Variants in GLIS3 observed in about 807,000 individuals in gnomAD.
GLIS3 encodes the protein zinc finger protein GLIS3.
Under a neutral mutation model 78.6 loss-of-function variants are expected in GLIS3, and 53 were observed. The ratio of observed to expected loss-of-function variants is 0.67; its 90% CI spans 0.54 to 0.85. The LOEUF is 0.85. Ranked by LOEUF, GLIS3 falls within the 40% of genes least tolerant of loss-of-function variation. GLIS3 has a pLI of 0.00. For synonymous variants in GLIS3, 684 were observed against 509.9 expected, an observed-to-expected ratio of 1.34 and a Z score of -4.60; for missense variants, 1,703 against 1,231.1, an observed-to-expected ratio of 1.38 and a Z score of -5.74.
the GLIS3 span, among the ~76,000 whole-genome samples, chr9:4,359,334 G>C: frequency 6.6e-6 from 1 of 152,082 alleles, no homozygotes; most frequent in African/African-American, 2.4e-5. Context: ...CCTTTACCTA[G>C]TGGATTCACC....
chr9:3,991,376 G>A (rs879061998), intron 4 of GLIS3, among the ~76,000 whole-genome samples: 1 of 152,030 alleles, frequency 6.6e-6, no homozygotes, highest in Admixed American at 6.6e-5. Flanking sequence ...CTGGGTACAA[G>A]TCTGAAGAGA....
chr9:4,117,451 T>C (rs928778627), intron 4 of GLIS3, among the ~76,000 whole-genome samples: 4 of 152,220 alleles, frequency 2.6e-5, no homozygotes, highest in South Asian at 2.1e-4. Context: ...GTCCTTCTGC[T>C]CTTGCACATC....
intron 1 of GLIS3, among the ~76,000 whole-genome samples, chr9:4,291,037 A>G (rs993706499): frequency 3.3e-5 from 5 of 152,170 alleles, no homozygotes; most frequent in African/African-American, 1.2e-4. Flanking sequence ...ACACAGAAAC[A>G]GAACTGAGAT....
At chr9:3,878,800 A>G (rs1183976252) in intron 8 of GLIS3, 1 of 157,406 alleles carries the variant, frequency 6.4e-6, no homozygotes, top group Non-Finnish European at 1.4e-5. Context: ...CCTGCTCCAC[A>G]AAAAGGGGAA....
intron 4 of GLIS3, among the ~76,000 whole-genome samples, chr9:3,956,185 GA>G (rs1243726842): frequency 7.4e-5 from 11 of 149,248 alleles, no homozygotes; most frequent in East Asian, 2.0e-4. Flanking sequence ...CCAGTTGAAA[GA>G]AAAAAAAAAT....
chr9:3,888,287 C>G (rs1822211222), intron 7 of GLIS3, among the ~76,000 whole-genome samples: 1 of 152,172 alleles, frequency 6.6e-6, no homozygotes, highest in Non-Finnish European at 1.5e-5. Flanking sequence ...ATTACTCATG[C>G]CTCAACTATC....
intron 2 of GLIS3, among the ~76,000 whole-genome samples, chr9:4,318,792 G>A (rs1349757559): frequency 6.6e-6 from 1 of 152,152 alleles, no homozygotes; most frequent in East Asian, 1.9e-4. Flanking sequence ...AAACTATTAG[G>A]TGAAAGTTTG....
chr9:4,335,276 A>C (rs1319015309), intron 2 of GLIS3, among the ~76,000 whole-genome samples: 1 of 152,116 alleles, frequency 6.6e-6, no homozygotes, highest in African/African-American at 2.4e-5. Context: ...ATAAGAAATA[A>C]CTCCAGTGAC....
chr9:4,277,394 A>G (rs1367147213), intron 2 of GLIS3, among the ~76,000 whole-genome samples: 3 of 152,250 alleles, frequency 2.0e-5, no homozygotes, highest in African/African-American at 7.2e-5. Context: ...ACAGTAAAAA[A>G]TAAACATGAA....
At chr9:4,231,741 T>C (rs1323645123) in intron 2 of GLIS3, among the ~76,000 whole-genome samples, 2 of 152,222 alleles carry the variant, frequency 1.3e-5, no homozygotes, top group African/African-American at 4.8e-5. Context: ...TATTCAATCA[T>C]TAAGGCAAAA....
intron 1 of GLIS3, among the ~76,000 whole-genome samples, chr9:4,289,843 T>G (rs960938795): frequency 1.3e-5 from 2 of 152,178 alleles, no homozygotes; most frequent in African/African-American, 2.4e-5. Context: ...TTTTGACCAC[T>G]TTCAAACTCT....
At chr9:4,239,498 A>G (rs984489634) in intron 2 of GLIS3, among the ~76,000 whole-genome samples, 1 of 152,158 alleles carries the variant, frequency 6.6e-6, no homozygotes, top group Admixed American at 6.5e-5. Context: ...ACTCTACTTC[A>G]TCATTAATGA....
chr9:4,371,587 C>T, the GLIS3 span, among the ~76,000 whole-genome samples: 2 of 152,138 alleles, frequency 1.3e-5, no homozygotes, highest in African/African-American at 4.8e-5. Flanking sequence ...CCAGCCTGTG[C>T]CCCTCCTTGC....
chr9:4,181,116 C>T (rs886666239), intron 2 of GLIS3, among the ~76,000 whole-genome samples: 1 of 152,188 alleles, frequency 6.6e-6, no homozygotes, highest in Non-Finnish European at 1.5e-5. Flanking sequence ...CCAGCCAGCT[C>T]CTCAGAATGC....
At chr9:4,014,638 G>A (rs532221109) in intron 4 of GLIS3, among the ~76,000 whole-genome samples, 1 of 152,310 alleles carries the variant, frequency 6.6e-6, no homozygotes, top group East Asian at 1.9e-4. Flanking sequence ...ATGTAAGCAT[G>A]GCCCTGCCCA....
At chr9:4,081,758 G>A (rs543420573) in intron 4 of GLIS3, among the ~76,000 whole-genome samples, 106 of 152,256 alleles carry the variant, frequency 7.0e-4, no homozygotes, top group Non-Finnish European at 1.2e-3. Flanking sequence ...ACAGTGAGCT[G>A]CACTGCAGTA....
the GLIS3 span, among the ~76,000 whole-genome samples, chr9:4,485,636 G>A: frequency 6.6e-6 from 1 of 151,678 alleles, no homozygotes; most frequent in South Asian, 2.1e-4. Context: ...GTGTTTCAGT[G>A]AATCAGCTCT....
the GLIS3 span, among the ~76,000 whole-genome samples, chr9:4,489,190 C>T: frequency 1.3e-5 from 2 of 152,184 alleles, no homozygotes; most frequent in Non-Finnish European, 2.9e-5. Context: ...TTCTTCAGAT[C>T]TTCCTCGGAC....
chr9:4,298,007 CCCGCCGCCTCCG>C (rs1816722877), intron 1 of GLIS3, among the ~76,000 whole-genome samples: 1 of 152,190 alleles, frequency 6.6e-6, no homozygotes. Context: ...CCGTCACTCC[CCCGCCGCCTCCG>C]CCCCTAACCC....
Sources: allele counts gnomAD v4.1 joint callset (sites outside exome capture counted in the v4.1 genomes callset), GRCh38; gene constraint gnomAD v4.1.1; transcripts MANE v1.5; gene names NCBI Gene and HGNC (gene_info 2026-07-23, HGNC 2026-07-21).